Variants in KCNIP4 observed in about 807,000 individuals in gnomAD.
KCNIP4 encodes potassium voltage-gated channel interacting protein 4.
Under a neutral mutation model 34.0 loss-of-function variants are expected in KCNIP4, and 12 were observed. The observed-to-expected ratio is 0.35, with a 90% CI of 0.23 to 0.57. The LOEUF (loss-of-function observed/expected upper bound fraction) is 0.57. Ranked by LOEUF, KCNIP4 falls within the 20% of genes least tolerant of loss-of-function variation. The pLI is 0.83. For missense variants in KCNIP4, 238 were observed against 311.7 expected (o/e 0.76, Z 1.78); for synonymous variants, 124 against 102.2 (o/e 1.21, Z -1.29).
intron 1 of KCNIP4, among the ~76,000 whole-genome samples, chr4:21,358,436 C>T (rs543707999): frequency 6.6e-6 from 1 of 152,238 alleles, no homozygotes; most frequent in South Asian, 2.1e-4. Flanking sequence ...TTATTTGATT[C>T]ATGATTACCA....
chr4:20,904,876 T>G (rs938159778), intron 1 of KCNIP4, among the ~76,000 whole-genome samples: 2 of 152,112 alleles, frequency 1.3e-5, no homozygotes, highest in Non-Finnish European at 2.9e-5. Context: ...AAAGAAACAG[T>G]AGTCAGAAGG....
At chr4:21,425,074 G>A (rs1255195396) in intron 1 of KCNIP4, among the ~76,000 whole-genome samples, 1 of 152,128 alleles carries the variant, frequency 6.6e-6, no homozygotes, top group Non-Finnish European at 1.5e-5. Flanking sequence ...GAGAGGAGAG[G>A]AGAAATGAGC....
chr4:20,732,667 G>A lies in KCNIP4; in HGVS notation c.642+14C>T, dbSNP rs778133430. On this transcript the variant is annotated intron_variant, in intron 7 of 8. Coordinates refer to ENST00000382152, the MANE Select transcript of KCNIP4 (RefSeq NM_025221.6). ...CTAACTTCATGCCCTCTTGACTTCTGTTTTAATTCCTACCTGAAAAAATGT... is the reference window on the plus strand; with the variant it reads ...CTAACTTCATGCCCTCTTGACTTCTATTTTAATTCCTACCTGAAAAAATGT... 5.1e-6 allele frequency: 8 copies of A among 1,567,316 alleles called. No homozygotes were observed. In the African/African-American group the frequency reaches 8.1e-5, roughly 16 times the overall value.
At chr4:21,133,551 T>C (rs1462416082) in intron 1 of KCNIP4, among the ~76,000 whole-genome samples, 1 of 152,198 alleles carries the variant, frequency 6.6e-6, no homozygotes, top group Non-Finnish European at 1.5e-5. Flanking sequence ...GGTTAGGCAA[T>C]TCAACTATCA....
chr4:21,749,572 T>C (rs1218777095), intron 1 of KCNIP4, among the ~76,000 whole-genome samples: 1 of 152,070 alleles, frequency 6.6e-6, no homozygotes, highest in African/African-American at 2.4e-5. Flanking sequence ...TCTAACCCCA[T>C]TCATAAGTTC....
intron 1 of KCNIP4, among the ~76,000 whole-genome samples, chr4:21,076,557 T>C (rs924093250): frequency 6.6e-6 from 1 of 152,174 alleles, no homozygotes; most frequent in Non-Finnish European, 1.5e-5. Flanking sequence ...TTATACTCAA[T>C]AAAAATTGTT....
intron 1 of KCNIP4, among the ~76,000 whole-genome samples, chr4:21,546,123 AT>A (rs1325964372): frequency 1.3e-5 from 2 of 152,148 alleles, no homozygotes; most frequent in Admixed American, 6.6e-5. Context: ...ATAGGACTAG[AT>A]TTAATCACAA....
intron 3 of KCNIP4, among the ~76,000 whole-genome samples, chr4:20,763,451 A>G (rs1483342836): frequency 6.6e-6 from 1 of 152,192 alleles, no homozygotes; most frequent in Non-Finnish European, 1.5e-5. Context: ...TGTCATCCAG[A>G]AGGAGGAAAA....
intron 1 of KCNIP4, among the ~76,000 whole-genome samples, chr4:20,908,481 A>G (rs1405451973): frequency 6.6e-6 from 1 of 152,212 alleles, no homozygotes; most frequent in Admixed American, 6.5e-5. Flanking sequence ...CTGAAAATTC[A>G]TTTGGATTTG....
chr4:21,306,071 T>G (rs1421870030), intron 1 of KCNIP4, among the ~76,000 whole-genome samples: 1 of 152,160 alleles, frequency 6.6e-6, no homozygotes, highest in Non-Finnish European at 1.5e-5. Flanking sequence ...CATCAATGAT[T>G]AGGTGATTAC....
At chr4:20,757,337 T>C (rs1425790994) in intron 4 of KCNIP4, among the ~76,000 whole-genome samples, 1 of 152,194 alleles carries the variant, frequency 6.6e-6, no homozygotes, top group Non-Finnish European at 1.5e-5. Flanking sequence ...TCTCCCTGCC[T>C]GCAGTATTGC....
chr4:21,774,857 A>G (rs1719064763), intron 1 of KCNIP4, among the ~76,000 whole-genome samples: 1 of 152,042 alleles, frequency 6.6e-6, no homozygotes, highest in South Asian at 2.1e-4. Context: ...ACCTTCTATC[A>G]AGGTTCTTAG....
intron 1 of KCNIP4, chr4:21,847,302 A>G (rs1560758437): frequency 6.6e-6 from 1 of 152,158 alleles, no homozygotes; most frequent in East Asian, 1.9e-4. Context: ...GGGTATTTCA[A>G]AAGAAGACCA....
intron 1 of KCNIP4, among the ~76,000 whole-genome samples, chr4:21,190,965 T>C (rs1225185308): frequency 1.3e-5 from 2 of 152,228 alleles, no homozygotes; most frequent in African/African-American, 4.8e-5. Context: ...CTTCCCTGGA[T>C]AGGCAAAGAA....
At chr4:20,748,072 A>G (rs1228307979) in intron 5 of KCNIP4, among the ~76,000 whole-genome samples, 1 of 152,046 alleles carries the variant, frequency 6.6e-6, no homozygotes, top group African/African-American at 2.4e-5. Flanking sequence ...TTAGCTGCTA[A>G]TTACACTCCA....
At chr4:21,532,170 A>G (rs1736736746) in intron 1 of KCNIP4, among the ~76,000 whole-genome samples, 1 of 152,184 alleles carries the variant, frequency 6.6e-6, no homozygotes, top group Non-Finnish European at 1.5e-5. Context: ...ATGCAGAGAT[A>G]TAATGAGATA....
At chr4:21,813,784 C>T (rs1410487453) in intron 1 of KCNIP4, among the ~76,000 whole-genome samples, 1 of 152,122 alleles carries the variant, frequency 6.6e-6, no homozygotes, top group Non-Finnish European at 1.5e-5. Context: ...TAGGAAGTCT[C>T]CCCTTTAGAC....
intron 1 of KCNIP4, among the ~76,000 whole-genome samples, chr4:21,246,286 C>G (rs1760199140): frequency 6.6e-6 from 1 of 152,214 alleles, no homozygotes; most frequent in African/African-American, 2.4e-5. Context: ...ACTAGCTTCT[C>G]TCTCTCCTGA....
At position 21,460,197 on chromosome 4, in the gene KCNIP4, C is replaced by T. The variant is rs374896937; in HGVS notation, c.61+488374G>A. On this transcript the variant is annotated intron_variant, in intron 1 of 8. Transcript: ENST00000382152. The stretch of plus-strand genomic sequence containing the variant: ...TGCACAGTTCCAAGCATCCTGCGGC[C>T]TTGGGGCATTCACAAAATTGCTTGC... Among the ~76,000 whole-genome samples the T allele has an allele frequency of 1.8e-4, 27 of 151,322 alleles. No homozygotes were observed. In the East Asian group the frequency reaches 2.9e-3, roughly 16 times the overall value.
Sources: gnomAD v4.1 joint callset for allele counts (sites outside exome capture counted in the v4.1 genomes callset) on GRCh38, gnomAD v4.1.1 for gene constraint, MANE v1.5 for transcripts, NCBI Gene and HGNC (gene_info 2026-07-23, HGNC 2026-07-21) for gene names.